The following XIRP2 variants were observed in gnomAD, a reference collection of about 807,000 sequenced individuals.
XIRP2 encodes xin actin-binding repeat-containing protein 2.
XIRP2 carries 236 observed loss-of-function variants against 277.0 expected under a neutral mutation model. The ratio of observed to expected loss-of-function variants is 0.85; its 90% CI spans 0.77 to 0.95. The LOEUF (loss-of-function observed/expected upper bound fraction) is 0.95, where lower values mean the gene tolerates loss of function less well. XIRP2 is among the 40% of genes least tolerant of loss of function. The pLI is 0.00. For synonymous variants in XIRP2, 1,490 were observed against 1,416.5 expected (o/e 1.05, Z -1.17); for missense variants, 4,640 against 4,157.5 (o/e 1.12, Z -3.19).
intron 3 of XIRP2, among the ~76,000 whole-genome samples, chr2:167,164,028 G>C (rs1277717409): frequency 1.3e-5 from 2 of 152,100 alleles, no homozygotes; most frequent in African/African-American, 2.4e-5. Context: ...GGTTACTATA[G>C]CTTTATAGTA....
At chr2:167,141,061 A>AT (rs1691703191) in intron 3 of XIRP2, 1 of 152,180 alleles carries the variant, frequency 6.6e-6, no homozygotes, top group Admixed American at 6.6e-5. Flanking sequence ...CCAGGAACTC[A>AT]TTTTGAGCTT....
intron 2 of XIRP2, among the ~76,000 whole-genome samples, chr2:167,133,891 C>A (rs1467545553): frequency 6.6e-6 from 1 of 152,114 alleles, no homozygotes; most frequent in Non-Finnish European, 1.5e-5. Flanking sequence ...CAGCATGATA[C>A]CTCACTACAA....
chr2:167,200,458 C>T (rs1182841759), intron 3 of XIRP2, among the ~76,000 whole-genome samples: 2 of 152,208 alleles, frequency 1.3e-5, no homozygotes, highest in Admixed American at 6.5e-5. Context: ...GTGGAAAGAG[C>T]AGATCTGTCT....
intron 2 of XIRP2, among the ~76,000 whole-genome samples, chr2:166,926,660 T>A (rs1392265273): frequency 6.6e-6 from 1 of 152,146 alleles, no homozygotes; most frequent in African/African-American, 2.4e-5. Context: ...CATCACTTTC[T>A]GTTCATGCTT....
At position 167,200,864 on chromosome 2, in the gene XIRP2, G is replaced by A. The variant is rs934016174; in HGVS notation, c.563-9871G>A. Among the ~76,000 whole-genome samples the A allele has an allele frequency of 2.6e-5, 4 of 151,988 alleles. No individual in the cohort carries two copies. The East Asian group carries it at 7.7e-4, about 29-fold the overall frequency. ...ATACCTGCCGGGTGTGGTGGCTCAC[G>A]CCTGCAACCCCAGCACATGGGGAGG... On this transcript the variant is annotated intron_variant, in intron 3 of 10. Transcript: ENST00000409195.
In XIRP2 at chr2:167,239,907, C is replaced by A. The variant is rs764350165; in HGVS notation, c.911C>A (p.Ala304Glu). The change falls in exon 6 of 11, where the codon GCA becomes GAA. Residue 304 changes from alanine to glutamate, a missense_variant. By Grantham distance (107) the Ala-to-Glu change is moderately radical (BLOSUM62 -1). Transcript: ENST00000409195. ...ACTTCAAGAAGCAGCCAGGAAATGG[C>A]AAGAAATGAACAAGAAGGGTCCAAA... Reference protein sequence around the residue: ...VGTSRSSQEMARNEQEGSKVQ... With the variant: ...VGTSRSSQEMERNEQEGSKVQ... 2.5e-6 allele frequency: 4 copies of A among 1,607,282 alleles called. No homozygotes were observed. The highest frequency in any genetic ancestry group is 3.4e-6 in the Non-Finnish European group (4 of 1,177,776).
chr2:166,955,687 C>T (rs1200149923), intron 2 of XIRP2, among the ~76,000 whole-genome samples: 9 of 151,562 alleles, frequency 5.9e-5, no homozygotes, highest in African/African-American at 1.9e-4. Context: ...TTTTCTATAC[C>T]CTCGTAAAAT....
chr2:167,136,814 G>A (rs187224948), intron 3 of XIRP2, among the ~76,000 whole-genome samples: 195 of 152,202 alleles, frequency 1.3e-3, no homozygotes, highest in African/African-American at 4.0e-3. Flanking sequence ...TTAAGATATC[G>A]TTTGGAATAT....
chr2:167,109,119 G>C (rs1164057490), intron 2 of XIRP2, among the ~76,000 whole-genome samples: 2 of 152,018 alleles, frequency 1.3e-5, no homozygotes, highest in East Asian at 3.9e-4. Context: ...AGAACATGCA[G>C]TATTTGGTTT....
intron 2 of XIRP2, among the ~76,000 whole-genome samples, chr2:167,132,511 TACACACACACACACACACACAC>T (rs35636231): frequency 6.8e-6 from 1 of 146,226 alleles, no homozygotes. Flanking sequence ...TGCATGTGTA[TACACACACACACACACACACAC>T]ACACACACAC....
chr2:167,209,053 G>C (rs930768807), intron 3 of XIRP2, among the ~76,000 whole-genome samples: 1 of 152,140 alleles, frequency 6.6e-6, no homozygotes, highest in Non-Finnish European at 1.5e-5. Flanking sequence ...TCTTTTGTAT[G>C]GCTATGAGGT....
At chr2:167,029,955 C>A (rs1048907130) in intron 2 of XIRP2, among the ~76,000 whole-genome samples, 2 of 151,964 alleles carry the variant, frequency 1.3e-5, no homozygotes, top group Admixed American at 1.3e-4. Context: ...GTGTATGTGT[C>A]CAGGAATTTA....
At chr2:167,128,816 G>A (rs186760585) in intron 2 of XIRP2, among the ~76,000 whole-genome samples, 1 of 152,210 alleles carries the variant, frequency 6.6e-6, no homozygotes, top group East Asian at 1.9e-4. Context: ...CTCACTTGAT[G>A]TATCTTTCCC....
At chr2:166,925,199 G>A (rs1287600435) in intron 2 of XIRP2, among the ~76,000 whole-genome samples, 1 of 151,958 alleles carries the variant, frequency 6.6e-6, no homozygotes, top group African/African-American at 2.4e-5. Context: ...ATCTTAGGGA[G>A]GTCTAATATT....
At chr2:166,909,928 A>G (rs1684651174) in intron 2 of XIRP2, among the ~76,000 whole-genome samples, 1 of 152,154 alleles carries the variant, frequency 6.6e-6, no homozygotes, top group Admixed American at 6.5e-5. Flanking sequence ...TGATTTGCGT[A>G]TGTTGAACCA....
chr2:167,221,134 G>T (rs570937822), intron 5 of XIRP2, among the ~76,000 whole-genome samples: 2 of 152,248 alleles, frequency 1.3e-5, no homozygotes, highest in East Asian at 3.9e-4. Flanking sequence ...AACACCATTT[G>T]TTGAATGAAG....
intron 2 of XIRP2, among the ~76,000 whole-genome samples, chr2:166,954,907 C>A (rs573937663): frequency 4.0e-5 from 6 of 151,490 alleles, no homozygotes; most frequent in Non-Finnish European, 8.8e-5. Context: ...CACACTGGGG[C>A]CTGTTGCAGG....
At chr2:167,132,170 A>G (rs773768895) in intron 2 of XIRP2, among the ~76,000 whole-genome samples, 2 of 152,098 alleles carry the variant, frequency 1.3e-5, no homozygotes, top group Non-Finnish European at 2.9e-5. Context: ...CAGTACTGCT[A>G]TACTAACTGC....
chr2:167,256,911 T>C (rs1045061643), intron 10 of XIRP2, among the ~76,000 whole-genome samples: 2 of 151,860 alleles, frequency 1.3e-5, no homozygotes, highest in Admixed American at 6.6e-5. Flanking sequence ...GATTCTACTC[T>C]CCTATTTTTT....
Sources: allele counts gnomAD v4.1 joint callset (sites outside exome capture counted in the v4.1 genomes callset), GRCh38; gene constraint gnomAD v4.1.1; transcripts MANE v1.5; gene names NCBI Gene and HGNC (gene_info 2026-07-23, HGNC 2026-07-21).